Variants in TSPAN18 observed in about 807,000 individuals in gnomAD.
TSPAN18 encodes the protein tetraspanin 18.
Under a neutral mutation model 27.3 loss-of-function variants are expected in TSPAN18, and 14 were observed. That is an observed-to-expected ratio of 0.51 (90% CI 0.34 to 0.80). The LOEUF is 0.80. Among genes scored for constraint, TSPAN18 ranks in the 30% least tolerant of loss-of-function variants. The pLI, the probability that TSPAN18 is intolerant of heterozygous loss-of-function variation, is 0.01. For synonymous variants in TSPAN18, 143 were observed against 136.5 expected (o/e 1.05, Z -0.33); for missense variants, 268 against 323.9 (o/e 0.83, Z 1.32).
At chr11:44,927,562 T>C (rs1236188828) in intron 9 of TSPAN18, among the ~76,000 whole-genome samples, 2 of 152,202 alleles carry the variant, frequency 1.3e-5, no homozygotes, top group African/African-American at 2.4e-5. Flanking sequence ...GAGTGCAGTT[T>C]CGTGGAGGCT....
At chr11:44,800,563 G>A (rs929387340) in intron 2 of TSPAN18, among the ~76,000 whole-genome samples, 3 of 152,212 alleles carry the variant, frequency 2.0e-5, no homozygotes, top group African/African-American at 7.2e-5. Context: ...CTTCCATAGG[G>A]CCTGTATTTG....
chr11:44,800,235 C>T (rs1856449812), intron 2 of TSPAN18, among the ~76,000 whole-genome samples: 1 of 152,130 alleles, frequency 6.6e-6, no homozygotes, highest in African/African-American at 2.4e-5. Flanking sequence ...AGATTCACAA[C>T]ATACATTCAG....
At chr11:44,824,101 G>A (rs57026922) in intron 2 of TSPAN18, among the ~76,000 whole-genome samples, 2,453 of 152,174 alleles carry the variant, frequency 0.016, 59 homozygotes, top group African/African-American at 0.056. Context: ...AGCCTGCCTC[G>A]CTACCATCAT....
At chr11:44,735,863 C>T (rs565500504) in intron 1 of TSPAN18, among the ~76,000 whole-genome samples, 4 of 152,022 alleles carry the variant, frequency 2.6e-5, no homozygotes, top group Non-Finnish European at 5.9e-5. Context: ...ATGATCTGCC[C>T]GCCTCGGCCT....
At chr11:44,770,895 A>G (rs1855675418) in intron 2 of TSPAN18, among the ~76,000 whole-genome samples, 1 of 152,144 alleles carries the variant, frequency 6.6e-6, no homozygotes, top group Admixed American at 6.5e-5. Flanking sequence ...CCCAAGATGG[A>G]AGAGCCTAGG....
At chr11:44,748,670 C>T (rs1015387038) in intron 1 of TSPAN18, among the ~76,000 whole-genome samples, 2 of 152,168 alleles carry the variant, frequency 1.3e-5, no homozygotes, top group African/African-American at 4.8e-5. Flanking sequence ...TTTAGAGAAG[C>T]CACAGTGTCA....
At chr11:44,741,851 A>G (rs4755884) in intron 1 of TSPAN18, among the ~76,000 whole-genome samples, 53,744 of 152,118 alleles carry the variant, frequency 0.35, 13,578 homozygotes, top group East Asian at 0.82. Flanking sequence ...GGGCATGGGA[A>G]CGACCTGCCA....
At chr11:44,877,260 A>G (rs1480588468) in intron 3 of TSPAN18, among the ~76,000 whole-genome samples, 1 of 152,200 alleles carries the variant, frequency 6.6e-6, no homozygotes, top group African/African-American at 2.4e-5. Flanking sequence ...TTGTGAAGTC[A>G]CTACTGTGAT....
Position 44,930,824 on chromosome 11 carries a change from G to A in TSPAN18, c.*1646G>A. 1 of 487,634 alleles carries A rather than the reference G, an allele frequency of 2.1e-6. No individual in the cohort carries two copies. Among genetic ancestry groups the A allele is most frequent in the South Asian group, 1.5e-5 (1 of 65,580 alleles). The allele number at this position is 487,634 out of a possible 1,614,324, so 30.2% of individuals were successfully genotyped here. On this transcript the variant is annotated 3_prime_UTR_variant, in exon 10 of 10. Transcript: ENST00000520358. ...CGGGCAGGGATGGAAGGAGCAGTGT[G>A]ATGTCTGCTCTCTTCTCTCCCCTCT...
chr11:44,845,804 C>T (rs191877605), intron 2 of TSPAN18, among the ~76,000 whole-genome samples: 94 of 152,334 alleles, frequency 6.2e-4, no homozygotes, highest in African/African-American at 2.2e-3. Context: ...CCAGGGCACA[C>T]AGTTGACATG....
At chr11:44,830,409 G>A (rs180762821) in intron 2 of TSPAN18, among the ~76,000 whole-genome samples, 12 of 152,336 alleles carry the variant, frequency 7.9e-5, no homozygotes, top group Admixed American at 3.3e-4. Flanking sequence ...AGTGTCTTGC[G>A]TGGTACTTGG....
intron 1 of TSPAN18, among the ~76,000 whole-genome samples, chr11:44,737,294 G>A (rs1182685549): frequency 1.3e-5 from 2 of 152,212 alleles, no homozygotes; most frequent in Admixed American, 6.5e-5. Context: ...TGGAGGATGA[G>A]GAGAAGCTGA....
At chr11:44,890,797 T>A (rs1370203087) in intron 3 of TSPAN18, among the ~76,000 whole-genome samples, 1 of 152,070 alleles carries the variant, frequency 6.6e-6, no homozygotes, top group East Asian at 1.9e-4. Flanking sequence ...ATGATAGTTA[T>A]TAGATCCATC....
At chr11:44,745,086 C>T (rs1855040215) in intron 1 of TSPAN18, among the ~76,000 whole-genome samples, 1 of 152,154 alleles carries the variant, frequency 6.6e-6, no homozygotes, top group South Asian at 2.1e-4. Flanking sequence ...AATGCCCTGT[C>T]ACTGGCTTTG....
intron 3 of TSPAN18, among the ~76,000 whole-genome samples, chr11:44,895,266 A>T (rs1056238758): frequency 6.6e-6 from 1 of 152,192 alleles, no homozygotes; most frequent in African/African-American, 2.4e-5. Context: ...TAACTGGTGA[A>T]TGTGGGCTGG....
At chr11:44,743,628 G>T in intron 1 of TSPAN18, among the ~76,000 whole-genome samples, 1 of 152,236 alleles carries the variant, frequency 6.6e-6, no homozygotes, top group East Asian at 1.9e-4. Context: ...GAAATCTCCA[G>T]CTTTCAAGTT....
At chr11:44,764,604 C>T (rs1416379829) in intron 2 of TSPAN18, 92 bp downstream of exon 2, 1 of 152,310 alleles carries the variant, frequency 6.6e-6, no homozygotes, top group Non-Finnish European at 1.5e-5. Context: ...CCCTCCAAAC[C>T]ACCACTTCCA....
chr11:44,891,593 G>C (rs912876210), intron 3 of TSPAN18, among the ~76,000 whole-genome samples: 4 of 152,234 alleles, frequency 2.6e-5, no homozygotes, highest in Admixed American at 2.6e-4. Flanking sequence ...AGCCAGAGCA[G>C]GTGTTGCCAG....
Position 44,841,779 on chromosome 11 carries a change from G to C in TSPAN18, c.-152-18549G>C, listed in dbSNP as rs183453852. ...GGTAGAGAGAAGAGCAATATGGCTGGGGCCCAGTGAGAGATGGGGCAGTGG... is the reference window on the plus strand; with the variant it reads ...GGTAGAGAGAAGAGCAATATGGCTGCGGCCCAGTGAGAGATGGGGCAGTGG... On this transcript the variant is annotated intron_variant, in intron 2 of 9. Coordinates refer to ENST00000520358, the MANE Select transcript of TSPAN18 (RefSeq NM_130783.5). Among the ~76,000 whole-genome samples, 4 of 152,322 alleles carry C rather than the reference G, an allele frequency of 2.6e-5. No individual in the cohort carries two copies. In the East Asian group the frequency reaches 5.8e-4, roughly 22 times the overall value.
Sources: allele counts gnomAD v4.1 joint callset (sites outside exome capture counted in the v4.1 genomes callset), GRCh38; gene constraint gnomAD v4.1.1; transcripts MANE v1.5; gene names NCBI Gene and HGNC (gene_info 2026-07-23, HGNC 2026-07-21).